The following DNM1L variants were observed in gnomAD, a reference collection of about 807,000 sequenced individuals.
DNM1L encodes dynamin-1-like protein.
A neutral mutation model predicts 92.8 loss-of-function variants in DNM1L; 33 were observed. The ratio of observed to expected loss-of-function variants is 0.36; its 90% CI spans 0.27 to 0.48. The LOEUF (loss-of-function observed/expected upper bound fraction) is 0.48. Ranked by LOEUF, DNM1L falls within the 20% of genes least tolerant of loss-of-function variation. The probability of loss-of-function intolerance (pLI) is 0.99; values close to 1 mark genes in which losing one functional copy is unlikely to be tolerated. For synonymous variants in DNM1L, 284 were observed against 305.0 expected, an observed-to-expected ratio of 0.93 and a Z score of 0.72; for missense variants, 485 against 888.8, an observed-to-expected ratio of 0.55 and a Z score of 5.78.
At chr12:32,682,563 T>C (rs967603576) in intron 1 of DNM1L, among the ~76,000 whole-genome samples, 1 of 152,134 alleles carries the variant, frequency 6.6e-6, no homozygotes, top group African/African-American at 2.4e-5. Context: ...GAAAAACATA[T>C]TAGTGAATCA....
At chr12:32,698,339 G>C (rs1469668674) in intron 1 of DNM1L, among the ~76,000 whole-genome samples, 1 of 152,164 alleles carries the variant, frequency 6.6e-6, no homozygotes, top group Non-Finnish European at 1.5e-5. Context: ...TCCCGGTCTT[G>C]ATTCCCCCAT....
intron 2 of DNM1L, chr12:32,706,156 T>TG (rs1225410142): frequency 7.2e-6 from 2 of 276,402 alleles, no homozygotes; most frequent in Non-Finnish European, 1.3e-5. Context: ...ATGTAGTACT[T>TG]GCATTTTGTG....
At chr12:32,711,114 T>C in intron 5 of DNM1L, 99 bp downstream of exon 5, 1 of 1,040,890 alleles carries the variant, frequency 9.6e-7, no homozygotes, top group Non-Finnish European at 1.5e-6. Context: ...CTTTGATCTG[T>C]TAGCAGCATT....
At chr12:32,718,066 A>T (rs1318308569) in intron 6 of DNM1L, among the ~76,000 whole-genome samples, 1 of 133,640 alleles carries the variant, frequency 7.5e-6, no homozygotes, top group Non-Finnish European at 1.5e-5. Flanking sequence ...TACATATTTT[A>T]TATATATACT....
chr12:32,724,150 AT>A (rs1470743496), intron 9 of DNM1L, among the ~76,000 whole-genome samples: 4 of 152,088 alleles, frequency 2.6e-5, no homozygotes, highest in African/African-American at 4.8e-5. Context: ...TTTGTCAAAA[AT>A]AGTCTTATCT....
intron 6 of DNM1L, 108 bp from the exon 7 acceptor site, chr12:32,718,535 C>G (rs1953657536): frequency 7.2e-7 from 1 of 1,384,104 alleles, no homozygotes; most frequent in Non-Finnish European, 1.0e-6. Context: ...AGAGGTAATA[C>G]TAAGTGGGAT....
At chr12:32,704,114 C>A (rs1952821025) in intron 2 of DNM1L, among the ~76,000 whole-genome samples, 1 of 151,700 alleles carries the variant, frequency 6.6e-6, no homozygotes, top group Non-Finnish European at 1.5e-5. Flanking sequence ...AAGTAGCATG[C>A]TGATTAAAGG....
At chr12:32,719,832 T>C (rs1048371548) in intron 7 of DNM1L, among the ~76,000 whole-genome samples, 11 of 152,206 alleles carry the variant, frequency 7.2e-5, no homozygotes, top group African/African-American at 2.7e-4. Flanking sequence ...ATGTCTATTT[T>C]ATAATCAGAA....
intron 1 of DNM1L, among the ~76,000 whole-genome samples, chr12:32,685,892 A>G (rs1951991271): frequency 1.3e-5 from 2 of 151,498 alleles, no homozygotes; most frequent in South Asian, 4.2e-4. Context: ...ACATTTTAGC[A>G]TTTATTGACT....
intron 7 of DNM1L, among the ~76,000 whole-genome samples, chr12:32,719,985 C>A (rs1172481563): frequency 1.3e-5 from 2 of 152,162 alleles, no homozygotes; most frequent in African/African-American, 4.8e-5. Context: ...CTAGTTCTTA[C>A]ATAAACTAGA....
At chr12:32,710,100 A>T (rs1953068131) in intron 4 of DNM1L, among the ~76,000 whole-genome samples, 1 of 152,202 alleles carries the variant, frequency 6.6e-6, no homozygotes, top group South Asian at 2.1e-4. Context: ...TTCAATCCTA[A>T]TACTTGTAGA....
intron 6 of DNM1L, among the ~76,000 whole-genome samples, chr12:32,717,237 AT>A (rs1255043902): frequency 1.8e-5 from 2 of 108,594 alleles, no homozygotes; most frequent in African/African-American, 3.8e-5. Flanking sequence ...TATTATATAT[AT>A]TTTATATATA....
intron 8 of DNM1L, among the ~76,000 whole-genome samples, chr12:32,721,074 G>A (rs1295995917): frequency 6.6e-6 from 1 of 152,108 alleles, no homozygotes; most frequent in African/African-American, 2.4e-5. Flanking sequence ...AACTAGAGAT[G>A]ACTTCATTTC....
chr12:32,679,673 G>T, intron 1 of DNM1L: 1 of 1,267,260 alleles, frequency 7.9e-7, no homozygotes, highest in South Asian at 2.4e-5. Context: ...CGGAGAATCC[G>T]GGGCCCGGCC....
intron 2 of DNM1L, chr12:32,707,118 C>A: frequency 2.5e-6 from 1 of 398,426 alleles, no homozygotes; most frequent in Non-Finnish European, 4.5e-6. Context: ...GTGGGAAGAC[C>A]TGTGAGCAGC....
intron 19 of DNM1L, 138 bp downstream of exon 19, chr12:32,742,886 A>ATAT: frequency 3.3e-6 from 2 of 606,284 alleles, no homozygotes; most frequent in Non-Finnish European, 5.0e-6. Flanking sequence ...CTTGATAAGA[A>ATAT]TCTTTTTTTT....
chr12:32,740,375 A>G (rs760851557), intron 17 of DNM1L, 34 bp from the exon 18 acceptor site: 2 of 1,610,654 alleles, frequency 1.2e-6, no homozygotes, highest in East Asian at 2.2e-5. Context: ...TAGTGTCACA[A>G]AAGTAATATT....
chr12:32,707,524 T>A lies in DNM1L; in HGVS notation c.297+111T>A, dbSNP rs539112729. 3.7e-5 allele frequency: 26 copies of A among 700,310 alleles called. No individual in the cohort carries two copies. In the African/African-American group the frequency reaches 4.5e-4, roughly 12 times the overall value. The allele number at this position is 700,310 out of a possible 1,614,324, so 43.4% of individuals were successfully genotyped here. ...CAATTACGTTATTTTAAAGTAACTA[T>A]AACTATTCCTTATAAAATAAATCTT... On this transcript the variant is annotated intron_variant, in intron 3 of 19. Coordinates refer to ENST00000549701, the MANE Select transcript of DNM1L (RefSeq NM_012062.5).
At chr12:32,713,087 G>A in intron 5 of DNM1L, 122 bp from the exon 6 acceptor site, 1 of 919,026 alleles carries the variant, frequency 1.1e-6, no homozygotes, top group Non-Finnish European at 1.6e-6. Flanking sequence ...TATTAGTAAT[G>A]TCTTTATTTT....
Sources: gnomAD v4.1 joint callset for allele counts (sites outside exome capture counted in the v4.1 genomes callset) on GRCh38, gnomAD v4.1.1 for gene constraint, MANE v1.5 for transcripts, NCBI Gene and HGNC (gene_info 2026-07-23, HGNC 2026-07-21) for gene names.